Variants in AGBL4 observed in about 807,000 individuals in gnomAD.
AGBL4 encodes cytosolic carboxypeptidase 6.
AGBL4 carries 58 observed loss-of-function variants against 66.4 expected under a neutral mutation model. The observed-to-expected ratio is 0.87, with a 90% confidence interval of 0.71 to 1.09. The LOEUF (loss-of-function observed/expected upper bound fraction) is 1.09. Among genes scored for constraint, AGBL4 ranks in the 50% least tolerant of loss-of-function variants. The probability of loss-of-function intolerance (pLI) is 0.00; values close to 1 mark genes in which losing one functional copy is unlikely to be tolerated. For synonymous variants in AGBL4, 234 were observed against 222.9 expected (o/e 1.05, Z -0.44); for missense variants, 579 against 631.0 (o/e 0.92, Z 0.88).
intron 3 of AGBL4, among the ~76,000 whole-genome samples, chr1:49,384,713 C>G (rs999649081): frequency 5.9e-5 from 9 of 152,092 alleles, no homozygotes; most frequent in African/African-American, 2.2e-4. Flanking sequence ...ATTTCATAAT[C>G]CTTAAGATGG....
At chr1:49,125,432 G>A (rs2148054759) in intron 4 of AGBL4, among the ~76,000 whole-genome samples, 1 of 152,118 alleles carries the variant, frequency 6.6e-6, no homozygotes, top group East Asian at 1.9e-4. Flanking sequence ...ACAAATCATT[G>A]GCTTCAAAGC....
intron 6 of AGBL4, among the ~76,000 whole-genome samples, chr1:48,859,814 G>C (rs1232719878): frequency 6.6e-6 from 1 of 152,156 alleles, no homozygotes; most frequent in Non-Finnish European, 1.5e-5. Flanking sequence ...TAAAGAAATA[G>C]TTAGAGATAT....
intron 6 of AGBL4, among the ~76,000 whole-genome samples, chr1:48,689,896 G>A (rs1344097941): frequency 6.6e-6 from 1 of 152,160 alleles, no homozygotes; most frequent in Non-Finnish European, 1.5e-5. Flanking sequence ...CAGAGTGAGA[G>A]ACCCTGTCTG....
At chr1:49,748,008 CT>C (rs1163402781) in intron 2 of AGBL4, among the ~76,000 whole-genome samples, 1 of 148,396 alleles carries the variant, frequency 6.7e-6, no homozygotes, top group Non-Finnish European at 1.5e-5. Context: ...TTACTTTTTA[CT>C]TTTTTAATTA....
chr1:49,681,422 C>T (rs557197600), intron 3 of AGBL4, among the ~76,000 whole-genome samples: 2 of 152,206 alleles, frequency 1.3e-5, no homozygotes, highest in South Asian at 4.2e-4. Context: ...TCCAGATTCT[C>T]CACTTGCCTT....
At chr1:49,753,753 G>A (rs1490535372) in intron 2 of AGBL4, among the ~76,000 whole-genome samples, 1 of 152,116 alleles carries the variant, frequency 6.6e-6, no homozygotes, top group Non-Finnish European at 1.5e-5. Context: ...ATTTCTTGGA[G>A]GCCTTGTTCA....
chr1:49,522,041 C>T (rs1394435741), intron 3 of AGBL4, among the ~76,000 whole-genome samples: 1 of 152,108 alleles, frequency 6.6e-6, no homozygotes, highest in Non-Finnish European at 1.5e-5. Flanking sequence ...TAAACCTACA[C>T]ATGTACCCTC....
rs61150148 is a variant in AGBL4, at chr1:49,680,049, CTT to C, written c.282+17262_282+17263del. On this transcript the variant is annotated intron_variant, in intron 3 of 13. Coordinates refer to ENST00000371839, the MANE Select transcript of AGBL4 (RefSeq NM_032785.4). ...AAGATTTTCTTCTTCTTCTTCTTCC[CTT>C]TTTTTTTTTTTTTTTTTTGAGATGG... is the stretch of plus-strand genomic sequence containing the variant. Among the ~76,000 whole-genome samples, 44 of 118,082 alleles carry C rather than the reference CTT, an allele frequency of 3.7e-4. No individual in the cohort carries two copies. In the South Asian group the frequency reaches 6.9e-3, roughly 18 times the overall value. 77.5% of individuals were successfully genotyped at this position (118,082 alleles called of 152,430 possible).
intron 11 of AGBL4, among the ~76,000 whole-genome samples, chr1:48,547,064 G>C (rs1476319171): frequency 6.6e-6 from 1 of 152,050 alleles, no homozygotes; most frequent in Admixed American, 6.6e-5. Flanking sequence ...AAGGGTCCTC[G>C]GGTGAGAGAC....
intron 1 of AGBL4, among the ~76,000 whole-genome samples, chr1:50,010,200 G>A (rs924039612): frequency 3.3e-5 from 5 of 151,862 alleles, no homozygotes; most frequent in Admixed American, 1.3e-4. Context: ...CCAGCTACTC[G>A]GGAGGCTGAG....
At chr1:49,441,089 C>T (rs1646018959) in intron 3 of AGBL4, among the ~76,000 whole-genome samples, 1 of 152,092 alleles carries the variant, frequency 6.6e-6, no homozygotes, top group Admixed American at 6.6e-5. Context: ...GAGCCCCCCG[C>T]CCGCCACAAC....
intron 5 of AGBL4, among the ~76,000 whole-genome samples, chr1:48,935,945 C>A (rs183230107): frequency 2.0e-5 from 2 of 98,628 alleles, no homozygotes; most frequent in Non-Finnish European, 3.7e-5. Flanking sequence ...GGTGACAGAG[C>A]GAGACTCTGT....
intron 3 of AGBL4, among the ~76,000 whole-genome samples, chr1:49,347,971 G>A (rs1368262941): frequency 6.6e-6 from 1 of 152,090 alleles, no homozygotes; most frequent in African/African-American, 2.4e-5. Flanking sequence ...TCTGGATCAG[G>A]GTCCCTTTCC....
chr1:49,111,296 TAG>T (rs1256627799), intron 4 of AGBL4, among the ~76,000 whole-genome samples: 2 of 152,134 alleles, frequency 1.3e-5, no homozygotes, highest in Non-Finnish European at 2.9e-5. Context: ...GTACTTTTAG[TAG>T]AGACGAGGTT....
chr1:49,531,635 C>A (rs1651149252), intron 3 of AGBL4, among the ~76,000 whole-genome samples: 1 of 152,120 alleles, frequency 6.6e-6, no homozygotes. Context: ...CTAATTCTCA[C>A]AACAACCCTG....
intron 3 of AGBL4, among the ~76,000 whole-genome samples, chr1:49,339,091 TG>T (rs1322674001): frequency 6.6e-6 from 1 of 152,078 alleles, no homozygotes; most frequent in East Asian, 1.9e-4. Context: ...TATTTAGAGT[TG>T]GTAATGGCCA....
At chr1:48,601,050 T>C (rs1645066763) in intron 9 of AGBL4, among the ~76,000 whole-genome samples, 1 of 152,100 alleles carries the variant, frequency 6.6e-6, no homozygotes, top group Admixed American at 6.5e-5. Flanking sequence ...CCAGGGCAAA[T>C]GATGAACTCC....
intron 4 of AGBL4, among the ~76,000 whole-genome samples, chr1:49,067,819 C>T (rs1571364629): frequency 1.3e-5 from 2 of 152,004 alleles, no homozygotes; most frequent in South Asian, 2.1e-4. Context: ...AGTTTTGTTA[C>T]ATAGGTATAC....
chr1:48,671,178 C>T (rs1646270940), intron 6 of AGBL4, among the ~76,000 whole-genome samples: 1 of 152,256 alleles, frequency 6.6e-6, no homozygotes, highest in African/African-American at 2.4e-5. Flanking sequence ...AAGATCTGAG[C>T]AGTGCATGCA....
Sources: allele counts gnomAD v4.1 joint callset (sites outside exome capture counted in the v4.1 genomes callset), GRCh38; gene constraint gnomAD v4.1.1; transcripts MANE v1.5; gene names NCBI Gene and HGNC (gene_info 2026-07-23, HGNC 2026-07-21).